Variants in TMEM198 observed in about 807,000 individuals in gnomAD.
TMEM198 encodes the protein transmembrane protein 198.
Under a neutral mutation model 31.5 loss-of-function variants are expected in TMEM198, and 21 were observed. The ratio of observed to expected loss-of-function variants is 0.67; its 90% confidence interval spans 0.47 to 0.96. The LOEUF (loss-of-function observed/expected upper bound fraction) is 0.96. TMEM198 is among the 40% of genes least tolerant of loss of function. The pLI, the probability that TMEM198 is intolerant of heterozygous loss-of-function variation, is 0.00. For synonymous variants in TMEM198, 211 were observed against 223.3 expected (o/e 0.95, Z 0.49); for missense variants, 447 against 499.4 (o/e 0.89, Z 1.00).
At chr2:219,548,279 C>A (rs560155644) in intron 3 of TMEM198, among the ~76,000 whole-genome samples, 198 bp downstream of exon 3, 8 of 152,344 alleles carry the variant, frequency 5.3e-5, no homozygotes, top group African/African-American at 1.9e-4. Flanking sequence ...TGGCTCCGCA[C>A]CAACCCCATT....
chr2:219,544,589 CT>C lies in TMEM198; in HGVS notation c.-39-97del, dbSNP rs910611846. On this transcript the variant is annotated intron_variant, in intron 1 of 4. Transcript: ENST00000373883. Reference sequence around the variant, plus strand: ...AGCTGCACAAATGTGGATACTATTCCTTTGTCCACTGTCCTTGCTGAGTTCT... The same window carrying C: ...AGCTGCACAAATGTGGATACTATTCCTTGTCCACTGTCCTTGCTGAGTTCT... 6.5e-6 allele frequency: 6 copies of C among 930,216 alleles called. No individual in the cohort carries two copies. The African/African-American group carries it at 9.9e-5, about 15-fold the overall frequency. The allele number at this position is 930,216 out of a possible 1,614,324, so 57.6% of individuals were successfully genotyped here.
intron 3 of TMEM198, 23 bp from the exon 4 acceptor site, chr2:219,549,129 C>G (rs1365907836): frequency 1.2e-6 from 2 of 1,613,394 alleles, no homozygotes; most frequent in African/African-American, 2.7e-5. Flanking sequence ...CTCTGAGCTC[C>G]TTCTCTACCC....
In TMEM198 at chr2:219,547,488, GC is replaced by G; in HGVS notation, c.167-14del. The G allele has an allele frequency of 7.1e-7, 1 of 1,401,894 alleles. No individual in the cohort carries two copies. 86.8% of individuals were successfully genotyped at this position (1,401,894 alleles called of 1,614,324 possible). ...GTGCCCTCATCTTGGCCCCTCACTAGCCCCTGTTCCCCTCCAGGTTACCGCT... is the reference window on the plus strand; with the variant it reads ...GTGCCCTCATCTTGGCCCCTCACTAGCCCTGTTCCCCTCCAGGTTACCGCT... On this transcript the variant is annotated splice_polypyrimidine_tract_variant and intron_variant, in intron 2 of 4. Coordinates refer to ENST00000373883, the MANE Select transcript of TMEM198 (RefSeq NM_001005209.3).
Position 219,547,847 on chromosome 2 carries a change from C to T in TMEM198, c.508C>T (p.Pro170Ser). 6.3e-7 allele frequency: 1 copy of T among 1,586,960 alleles called. No individual in the cohort carries two copies. The highest frequency in any genetic ancestry group is 8.5e-7 in the Non-Finnish European group (1 of 1,171,460). Reference protein sequence around the residue: ...CALLTLRWPRPLTTLATAVTG... With the variant: ...CALLTLRWPRSLTTLATAVTG... ...CCTGCTCACTCTGCGCTGGCCCCGC[C>T]CACTCACCACCCTGGCCACCGCCGT... Residue 170 changes from proline (P) to serine (S), a missense_variant, in exon 3 of 5, where the codon CCA becomes TCA. Pro to Ser is a moderately conservative substitution (Grantham distance 74). Coordinates refer to ENST00000373883, the MANE Select transcript of TMEM198 (RefSeq NM_001005209.3).
chr2:219,547,962 C>T lies in TMEM198; in HGVS notation c.623C>T (p.Ala208Val). 5 of 1,589,456 alleles carry T rather than the reference C, an allele frequency of 3.1e-6. No homozygotes were observed. Among genetic ancestry groups the T allele is most frequent in the Non-Finnish European group, 3.4e-6 (4 of 1,173,342 alleles). Residue 208 changes from alanine to valine, a missense_variant, in exon 3 of 5, where the codon GCT (alanine) becomes GTT (valine). By Grantham distance (64) the Ala-to-Val change is moderately conservative. Coordinates refer to ENST00000373883, the MANE Select transcript of TMEM198 (RefSeq NM_001005209.3). The stretch of plus-strand genomic sequence containing the variant: ...TACGTGGTGGAGCGACTCCGGGCTG[C>T]TCCTGTGCCCCCACTCTGCTGGCGA... ...GRYVVERLRA[A>V]PVPPLCWRSW...
Position 219,549,224 on chromosome 2 carries a change from G to C in TMEM198, c.815G>C (p.Arg272Thr). Reference sequence around the variant, plus strand: ...CAGCAGGAAGATCGCAAGGAGAAAAGGCGGAAAAAGAGACCTCCTCGGGCT... The same window carrying C: ...CAGCAGGAAGATCGCAAGGAGAAAACGCGGAAAAAGAGACCTCCTCGGGCT... ...IRQQEDRKEK[R>T]RKKRPPRAPL... The change falls in exon 4 of 5, where the codon AGG becomes ACG. Residue 272 changes from arginine (R) to threonine (T), a missense_variant. Transcript: ENST00000373883. 1 of 1,614,016 alleles carries C rather than the reference G, an allele frequency of 6.2e-7. No individual in the cohort carries two copies. The highest frequency in any genetic ancestry group is 2.2e-5 in the East Asian group (1 of 44,876).
At chr2:219,543,887 G>T, upstream of TMEM198, 2 of 352,612 alleles carry the variant, frequency 5.7e-6, 1 homozygote. Context: ...AAAGGGGAAG[G>T]ACCCCCGGAA....
chr2:219,547,463 G>C (rs1322156032), intron 2 of TMEM198, 43 bp from the exon 3 acceptor site: 3 of 1,387,288 alleles, frequency 2.2e-6, no homozygotes, highest in Non-Finnish European at 2.8e-6. Context: ...CTCCAGCCTG[G>C]TGCCCTCATC....
At chr2:219,544,633 C>T in intron 1 of TMEM198, 56 bp from the exon 2 acceptor site, 1 of 1,466,682 alleles carries the variant, frequency 6.8e-7, no homozygotes, top group Non-Finnish European at 9.4e-7. Flanking sequence ...CCTCTCCCAC[C>T]CCCATCCTGG....
chr2:219,546,923 T>C (rs1438695247), intron 2 of TMEM198, among the ~76,000 whole-genome samples: 2 of 151,936 alleles, frequency 1.3e-5, no homozygotes, highest in Non-Finnish European at 2.9e-5. Flanking sequence ...GGATTACAGG[T>C]GCGTGCCACC....
intron 2 of TMEM198, among the ~76,000 whole-genome samples, chr2:219,546,402 A>G (rs539674415): frequency 6.6e-6 from 1 of 150,720 alleles, no homozygotes; most frequent in South Asian, 2.1e-4. Context: ...AGTGACCTCC[A>G]CCTCCTCTCA....
At chr2:219,545,531 C>T (rs779508825) in intron 2 of TMEM198, among the ~76,000 whole-genome samples, 2 of 152,250 alleles carry the variant, frequency 1.3e-5, no homozygotes, top group Non-Finnish European at 1.5e-5. Flanking sequence ...CATGCTCTGA[C>T]AAACTCTGGG....
intron 3 of TMEM198, among the ~76,000 whole-genome samples, chr2:219,548,354 G>A (rs1695438393): frequency 6.6e-6 from 1 of 152,240 alleles, no homozygotes; most frequent in African/African-American, 2.4e-5. Context: ...ATTCAAGGCA[G>A]GCAGGAGACA....
At position 219,547,936 on chromosome 2, in the gene TMEM198, C is replaced by T; in HGVS notation, c.597C>T (p.Arg199=). 1 of 1,595,118 alleles carries T rather than the reference C, an allele frequency of 6.3e-7. No individual in the cohort carries two copies. Among genetic ancestry groups the T allele is most frequent in the Non-Finnish European group, 8.5e-7 (1 of 1,177,158 alleles). The change falls in exon 3 of 5, where the codon CGC becomes CGT. Residue 199 remains arginine (R), a synonymous_variant. Transcript: ENST00000373883. ...TCGCCGAGCTGCTACTGCTGGGGCG[C>T]TACGTGGTGGAGCGACTCCGGGCTG... is the stretch of plus-strand genomic sequence containing the variant. ...DYFAELLLLG[R]YVVERLRAAP...
chr2:219,546,778 C>CTTTTTTTTTTTT lies in TMEM198; in HGVS notation c.167-722_167-711dup, dbSNP rs397987890. 5.2e-3 allele frequency among the ~76,000 whole-genome samples: 667 copies of CTTTTTTTTTTTT among 127,164 alleles called. 15 individuals are homozygous for CTTTTTTTTTTTT. The highest frequency in any genetic ancestry group is 0.019 in the African/African-American group (616 of 32,590). The allele number at this position is 127,164 out of a possible 152,430, so 83.4% of individuals were successfully genotyped here. A position where few individuals can be genotyped will look rare whatever the true frequency, so the allele number is the denominator to read the frequency against. On this transcript the variant is annotated intron_variant, in intron 2 of 4. Coordinates refer to ENST00000373883, the MANE Select transcript of TMEM198 (RefSeq NM_001005209.3). ...TGTGTGACCCTCACCTCTCAAGTTT[C>CTTTTTTTTTTTT]TTTTTTTTTTTTTTTTTGAGACAAG...
Position 219,550,524 on chromosome 2 carries a change from TTCTG to T in TMEM198, c.*674_*677del, listed in dbSNP as rs1695545178. On this transcript the variant is annotated 3_prime_UTR_variant, in exon 5 of 5. Transcript: ENST00000373883. ...TCATGCCAACCTAGACACCTCATGC[TTCTG>T]TCTCCCCCACCCCACTCTGTTTTAC... 2 of 414,864 alleles carry T rather than the reference TTCTG, an allele frequency of 4.8e-6. No individual in the cohort carries two copies. Among genetic ancestry groups the T allele is most frequent in the Non-Finnish European group, 8.8e-6 (2 of 226,034 alleles). The allele number at this position is 414,864 out of a possible 1,614,324, so 25.7% of individuals were successfully genotyped here. A position where few individuals can be genotyped will look rare whatever the true frequency, so the allele number is the denominator to read the frequency against.
At position 219,549,886 on chromosome 2, in the gene TMEM198, C is replaced by G. The variant is rs752900845; in HGVS notation, c.*32C>G. On this transcript the variant is annotated 3_prime_UTR_variant, in exon 5 of 5. Transcript: ENST00000373883. ...CTGTCTGTCTAGACTCTGCAGTCAC[C>G]AGCTCTGCCAGCTCGAGGAGGCCTG... 23 of 1,594,444 alleles carry G rather than the reference C, an allele frequency of 1.4e-5. No homozygotes were observed. Among genetic ancestry groups the G allele is most frequent in the Non-Finnish European group, 1.9e-5 (22 of 1,165,008 alleles).
intron 2 of TMEM198, among the ~76,000 whole-genome samples, chr2:219,545,960 T>C (rs931013775): frequency 6.6e-6 from 1 of 152,118 alleles, no homozygotes; most frequent in African/African-American, 2.4e-5. Context: ...GTTCTGGGCC[T>C]CCAAGGATTC....
intron 2 of TMEM198, among the ~76,000 whole-genome samples, chr2:219,546,403 C>A (rs1695389238): frequency 6.6e-6 from 1 of 152,104 alleles, no homozygotes; most frequent in Non-Finnish European, 1.5e-5. Flanking sequence ...GTGACCTCCA[C>A]CTCCTCTCAC....
Sources: gnomAD v4.1 joint callset for allele counts (sites outside exome capture counted in the v4.1 genomes callset) on GRCh38, gnomAD v4.1.1 for gene constraint, MANE v1.5 for transcripts, NCBI Gene and HGNC (gene_info 2026-07-23, HGNC 2026-07-21) for gene names.